Variants in MYO3B observed in about 807,000 individuals in gnomAD.
MYO3B encodes myosin IIIB.
MYO3B carries 156 observed loss-of-function variants against 174.6 expected under a neutral mutation model. That is an observed-to-expected ratio of 0.89 (90% CI 0.78 to 1.02). The LOEUF is 1.02. Ranked by LOEUF, MYO3B falls within the 50% of genes least tolerant of loss-of-function variation. The probability of loss-of-function intolerance (pLI) is 0.00; values close to 1 mark genes in which losing one functional copy is unlikely to be tolerated. For missense variants in MYO3B, 1,632 were observed against 1,639.4 expected, an observed-to-expected ratio of 1.00 and a Z score of 0.08; for synonymous variants, 563 against 569.1, an observed-to-expected ratio of 0.99 and a Z score of 0.15.
At chr2:170,308,901 A>G (rs1274091312) in intron 7 of MYO3B, among the ~76,000 whole-genome samples, 1 of 152,180 alleles carries the variant, frequency 6.6e-6, no homozygotes. Context: ...TGAGGGAAAC[A>G]TGTAGGTGTA....
At chr2:170,382,786 G>GT (rs5836272) in intron 10 of MYO3B, 135 of 239,828 alleles carry the variant, frequency 5.6e-4, no homozygotes, top group Middle Eastern at 1.4e-3. Context: ...GTTGAGATGA[G>GT]TTTTTTTTTC....
At chr2:170,506,334 C>G (rs912696152) in intron 28 of MYO3B, among the ~76,000 whole-genome samples, 3 of 152,202 alleles carry the variant, frequency 2.0e-5, no homozygotes, top group African/African-American at 7.2e-5. Context: ...TTCTCCTAGC[C>G]TTTTCAAAAG....
chr2:170,436,641 CT>C (rs1230293452), intron 22 of MYO3B, among the ~76,000 whole-genome samples: 1 of 152,172 alleles, frequency 6.6e-6, no homozygotes, highest in Non-Finnish European at 1.5e-5. Context: ...TCATTAACAA[CT>C]TTTTATTTTG....
At chr2:170,187,062 A>G (rs1192286510) in intron 1 of MYO3B, among the ~76,000 whole-genome samples, 1 of 151,138 alleles carries the variant, frequency 6.6e-6, no homozygotes, top group Non-Finnish European at 1.5e-5. Flanking sequence ...CTTTTCAAAA[A>G]ACAAAAAGGT....
chr2:170,218,602 T>C (rs2092856976), intron 6 of MYO3B, among the ~76,000 whole-genome samples: 1 of 152,216 alleles, frequency 6.6e-6, no homozygotes, highest in Non-Finnish European at 1.5e-5. Flanking sequence ...ATGCGGCTAC[T>C]CAGTTCTCCT....
intron 25 of MYO3B, among the ~76,000 whole-genome samples, chr2:170,496,604 T>C (rs147732999): frequency 0.011 from 1,606 of 148,266 alleles, 16 homozygotes; most frequent in African/African-American, 0.027. Context: ...ATATAATATA[T>C]ATGTATAATA....
At chr2:170,498,777 A>G (rs1687043671) in intron 26 of MYO3B, 74 bp downstream of exon 26, 4 of 947,194 alleles carry the variant, frequency 4.2e-6, no homozygotes. Context: ...ACTGGCATGA[A>G]TGGCTCTGTA....
chr2:170,594,354 T>A (rs766320212), intron 32 of MYO3B, among the ~76,000 whole-genome samples: 1 of 151,844 alleles, frequency 6.6e-6, no homozygotes, highest in Non-Finnish European at 1.5e-5. Context: ...AGAGCGGAGA[T>A]GAGAGATGAG....
At chr2:170,627,423 T>C (rs1427959968) in intron 32 of MYO3B, among the ~76,000 whole-genome samples, 1 of 152,196 alleles carries the variant, frequency 6.6e-6, no homozygotes, top group Non-Finnish European at 1.5e-5. Context: ...AGGACTTCTC[T>C]GCATTGGTTA....
intron 32 of MYO3B, among the ~76,000 whole-genome samples, chr2:170,648,616 C>CT (rs1024737096): frequency 6.3e-5 from 5 of 78,836 alleles, no homozygotes; most frequent in Non-Finnish European, 9.7e-5. Flanking sequence ...GAATGAGACT[C>CT]TGTCTCAAAA....
chr2:170,511,550 A>C (rs1277396945), intron 28 of MYO3B, among the ~76,000 whole-genome samples: 2 of 152,216 alleles, frequency 1.3e-5, no homozygotes, highest in Non-Finnish European at 2.9e-5. Context: ...GCACTTTCAC[A>C]CACCTTACTT....
intron 7 of MYO3B, among the ~76,000 whole-genome samples, chr2:170,267,456 G>A (rs1487402574): frequency 1.3e-5 from 2 of 152,146 alleles, no homozygotes; most frequent in African/African-American, 2.4e-5. Context: ...AGACTAGTTG[G>A]TTTCTGCTAC....
intron 32 of MYO3B, among the ~76,000 whole-genome samples, chr2:170,636,695 A>T (rs1008632588): frequency 2.0e-5 from 3 of 152,184 alleles, no homozygotes; most frequent in African/African-American, 7.2e-5. Context: ...GATGTCCAAG[A>T]TCATTCCAGT....
intron 8 of MYO3B, chr2:170,349,995 A>G (rs1233184725): frequency 6.6e-6 from 1 of 151,994 alleles, no homozygotes; most frequent in Non-Finnish European, 1.5e-5. Context: ...ATCCCAGAAC[A>G]CAACTGAACA....
intron 32 of MYO3B, among the ~76,000 whole-genome samples, chr2:170,589,204 A>T (rs1042311434): frequency 9.9e-5 from 15 of 152,260 alleles, no homozygotes; most frequent in African/African-American, 3.6e-4. Flanking sequence ...GATATCATGG[A>T]CCCCAACACT....
intron 13 of MYO3B, among the ~76,000 whole-genome samples, chr2:170,386,885 T>C (rs1029379854): frequency 6.6e-6 from 1 of 152,254 alleles, no homozygotes; most frequent in African/African-American, 2.4e-5. Flanking sequence ...ATGGCTGGAT[T>C]TTTAAAACTG....
At position 170,527,587 on chromosome 2, in the gene MYO3B, G is replaced by A. The variant is rs183758084; in HGVS notation, c.3575+8047G>A. 1.8e-3 allele frequency among the ~76,000 whole-genome samples: 276 copies of A among 152,236 alleles called. 1 individual carries two copies. The highest frequency in any genetic ancestry group is 2.9e-3 in the Non-Finnish European group (194 of 68,026). ...TTCATGGCTTGGCCTGCCAGCATCC[G>A]AGTTTGATTCTCTCCCGCTGTCTGC... On this transcript the variant is annotated intron_variant, in intron 30 of 34. Transcript: ENST00000408978.
At chr2:170,210,520 T>G (rs2092758904) in intron 3 of MYO3B, among the ~76,000 whole-genome samples, 1 of 152,246 alleles carries the variant, frequency 6.6e-6, no homozygotes, top group South Asian at 2.1e-4. Flanking sequence ...TTTAATTATG[T>G]GCTAGGTTCA....
intron 25 of MYO3B, among the ~76,000 whole-genome samples, chr2:170,494,126 G>A (rs1486295858): frequency 6.6e-6 from 1 of 152,170 alleles, no homozygotes; most frequent in East Asian, 1.9e-4. Flanking sequence ...ACATATCCTG[G>A]AATCTTACAG....
Sources: allele counts gnomAD v4.1 joint callset (sites outside exome capture counted in the v4.1 genomes callset), GRCh38; gene constraint gnomAD v4.1.1; transcripts MANE v1.5; gene names NCBI Gene and HGNC (gene_info 2026-07-23, HGNC 2026-07-21).